ZBED6: variants seen among roughly 807,000 people sequenced by gnomAD.
ZBED6 encodes zinc finger BED-type containing 6, also known as zinc finger BED domain-containing protein 6.
ZBED6 carries 40 observed loss-of-function variants against 58.4 expected under a neutral mutation model. That is an observed-to-expected ratio of 0.68 (90% CI 0.53 to 0.89). ZBED6 has a LOEUF of 0.89. Among genes scored for constraint, ZBED6 ranks in the 40% least tolerant of loss-of-function variants. The pLI is 0.00. For missense variants in ZBED6, 1,057 were observed against 1,003.9 expected (o/e 1.05, Z -0.71); for synonymous variants, 439 against 350.6 (o/e 1.25, Z -2.82).
intron 1 of ZBED6, among the ~76,000 whole-genome samples, chr1:203,810,796 T>G (rs981115698): frequency 8.5e-5 from 13 of 152,152 alleles, no homozygotes; most frequent in Middle Eastern, 3.4e-3. Context: ...ATTCCATTTC[T>G]CCACACTCTG....
At chr1:203,823,256 A>G (rs950866559) in intron 3 of ZBED6, among the ~76,000 whole-genome samples, 1 of 152,206 alleles carries the variant, frequency 6.6e-6, no homozygotes, top group Non-Finnish European at 1.5e-5. Context: ...AGAAAAAGAC[A>G]CTGGAGGAAT....
chr1:203,840,831 A>G (rs1345203816), intron 11 of ZBED6, among the ~76,000 whole-genome samples: 6 of 151,972 alleles, frequency 3.9e-5, no homozygotes, highest in Admixed American at 3.9e-4. Context: ...ACGGGGTTTC[A>G]CCATGTTGGT....
intron 8 of ZBED6, 124 bp downstream of exon 8, chr1:203,831,895 AATCTAAAGATG>A: frequency 1.4e-6 from 1 of 724,078 alleles, no homozygotes. Flanking sequence ...CTGATGAGAT[AATCTAAAGATG>A]AAAAGTTGGT....
chr1:203,797,694 C>G, exon 1 of ZBED6: 5 of 1,535,422 alleles, frequency 3.3e-6, no homozygotes, highest in African/African-American at 1.4e-5. Flanking sequence ...AGAGGCAAAA[C>G]AGCCTGCTAA....
At chr1:203,843,544 T>G (rs1572328245) in intron 11 of ZBED6, among the ~76,000 whole-genome samples, 1 of 152,210 alleles carries the variant, frequency 6.6e-6, no homozygotes, top group South Asian at 2.1e-4. Flanking sequence ...GGGTCGGATA[T>G]AAATAACTTT....
chr1:203,816,415 G>A (rs1453764261), intron 1 of ZBED6, among the ~76,000 whole-genome samples: 1 of 152,096 alleles, frequency 6.6e-6, no homozygotes. Flanking sequence ...GCTTGAGGCA[G>A]GAGTTCAAGA....
chr1:203,797,738 G>T, exon 1 of ZBED6: 1 of 1,535,712 alleles, frequency 6.5e-7, no homozygotes, highest in Non-Finnish European at 8.7e-7. Context: ...GAATTAAGGG[G>T]AAAAGGCGTC....
At chr1:203,802,156 C>G (rs982410423) in exon 1 of ZBED6, 1 of 152,560 alleles carries the variant, frequency 6.6e-6, no homozygotes, top group African/African-American at 2.4e-5. Context: ...ACTCTATTAC[C>G]ATACGTTTCT....
exon 1 of ZBED6, chr1:203,802,185 C>A (rs1670721324): frequency 6.6e-6 from 1 of 152,562 alleles, no homozygotes; most frequent in African/African-American, 2.4e-5. Flanking sequence ...TGGTTAAACA[C>A]TCCCTGATGA....
intron 3 of ZBED6, among the ~76,000 whole-genome samples, chr1:203,827,604 C>A (rs1344246576): frequency 6.6e-6 from 1 of 151,800 alleles, no homozygotes; most frequent in Non-Finnish European, 1.5e-5. Flanking sequence ...ATGGCGTGAA[C>A]CCGGGAGGCG....
intron 12 of ZBED6, 118 bp downstream of exon 12, chr1:203,847,805 A>T (rs1688293809): frequency 7.0e-7 from 1 of 1,425,788 alleles, no homozygotes; most frequent in African/African-American, 1.4e-5. Flanking sequence ...AACGTTGAAA[A>T]CACTGAATTA....
chr1:203,836,088 A>G (rs975491931), intron 9 of ZBED6, among the ~76,000 whole-genome samples: 4 of 152,206 alleles, frequency 2.6e-5, no homozygotes, highest in Non-Finnish European at 5.9e-5. Context: ...TTAGGTAGAA[A>G]AAAATAATAC....
At position 203,818,807 on chromosome 1, in the gene ZBED6, T is replaced by C. The variant is rs1024471658; in HGVS notation, c.*2873+118T>C. The C allele has an allele frequency of 1.4e-5, 20 of 1,465,594 alleles. No individual in the cohort carries two copies. In the African/African-American group the frequency reaches 2.4e-4, roughly 18 times the overall value. The allele number at this position is 1,465,594 out of a possible 1,614,324, so 90.8% of individuals were successfully genotyped here. ...TATTAAGGCTGAGTGCAGTGGCTCA[T>C]GCCTGTAGTTCCAGCACTTTGGGAG... On this transcript the variant is annotated intron_variant, in intron 3 of 16. Coordinates refer to ENST00000550078, the Ensembl canonical transcript of ZBED6.
intron 9 of ZBED6, among the ~76,000 whole-genome samples, chr1:203,835,207 A>C (rs1683896943): frequency 6.6e-6 from 1 of 152,224 alleles, no homozygotes; most frequent in Non-Finnish European, 1.5e-5. Context: ...CCCATGAATG[A>C]AATTAATATT....
intron 2 of ZBED6, among the ~76,000 whole-genome samples, chr1:203,818,299 G>T (rs1488267553): frequency 6.7e-6 from 1 of 149,660 alleles, no homozygotes; most frequent in Admixed American, 6.6e-5. Flanking sequence ...TTTTAAAGAG[G>T]ACCTAACACT....
intron 6 of ZBED6, 32 bp from the exon 7 acceptor site, chr1:203,830,091 G>T (rs369807465): frequency 1.2e-5 from 19 of 1,535,566 alleles, no homozygotes; most frequent in Non-Finnish European, 1.7e-5. Flanking sequence ...AAAGGCTCCC[G>T]TTCCTCATAA....
Position 203,798,705 on chromosome 1 carries a change from C to G in ZBED6, c.1183C>G (p.Gln395Glu). Residue 395 changes from glutamine (Q) to glutamate (E), a missense_variant, in exon 1 of 17, where the codon CAG becomes GAG. Transcript: ENST00000550078. ...AGAGCAAGGCACTCTGATGCGTGCG[C>G]AGGAGAGAGAAACAACATGTTGTGG... The G allele has an allele frequency of 6.5e-7, 1 of 1,536,074 alleles. No individual in the cohort carries two copies. Among genetic ancestry groups the G allele is most frequent in the Non-Finnish European group, 8.7e-7 (1 of 1,146,904 alleles).
rs1400623989 is a variant in ZBED6 at position 203,800,150 on chromosome 1, A to G, written c.2628A>G (p.Ser876=). The G allele has an allele frequency of 2.6e-6, 4 of 1,535,672 alleles. No individual in the cohort carries two copies. In the African/African-American group the frequency reaches 4.1e-5, roughly 16 times the overall value. The change falls in exon 1 of 17, where the codon TCA becomes TCG. Residue 876 remains serine (S), a synonymous_variant. Coordinates refer to ENST00000550078, the Ensembl canonical transcript of ZBED6. ...ATGAGTACTTCAAAGAGAAGTATTC[A>G]GAGTTCTCAGGAGGTGATGACCCTT...
At chr1:203,821,782 G>T (rs145419487) in intron 3 of ZBED6, among the ~76,000 whole-genome samples, 2 of 151,476 alleles carry the variant, frequency 1.3e-5, no homozygotes, top group African/African-American at 4.8e-5. Flanking sequence ...TTTTGAGACG[G>T]AGTCTTGCTC....
Sources: allele counts gnomAD v4.1 joint callset (sites outside exome capture counted in the v4.1 genomes callset), GRCh38; gene constraint gnomAD v4.1.1; transcripts MANE v1.5; gene names NCBI Gene and HGNC (gene_info 2026-07-23, HGNC 2026-07-21).